Variants in XRCC5 observed in about 807,000 individuals in gnomAD.
XRCC5 encodes DNA repair protein Ku80.
Under a neutral mutation model 95.7 loss-of-function variants are expected in XRCC5, and 12 were observed. The observed-to-expected ratio is 0.13, with a 90% CI of 0.08 to 0.20. XRCC5 has a LOEUF of 0.20. Among genes scored for constraint, XRCC5 ranks in the 10% least tolerant of loss-of-function variants. The pLI is 1.00. For synonymous variants in XRCC5, 281 were observed against 290.3 expected (o/e 0.97, Z 0.33); for missense variants, 595 against 873.9 (o/e 0.68, Z 4.02).
intron 8 of XRCC5, among the ~76,000 whole-genome samples, chr2:216,130,105 T>C (rs895609044): frequency 6.6e-6 from 1 of 152,160 alleles, no homozygotes; most frequent in African/African-American, 2.4e-5. Flanking sequence ...ATGCATGTGC[T>C]TTTCCTTTGC....
chr2:216,117,177 C>T (rs769495062), intron 3 of XRCC5: 38 of 222,030 alleles, frequency 1.7e-4, no homozygotes, highest in Middle Eastern at 1.5e-3. Flanking sequence ...TGTTTGGAGG[C>T]GGATAGAAAA....
intron 15 of XRCC5, 49 bp downstream of exon 15, chr2:216,160,210 G>T: frequency 7.6e-7 from 1 of 1,315,104 alleles, no homozygotes; most frequent in South Asian, 1.3e-5. Flanking sequence ...GAAGGTTGGG[G>T]CTTGAGGGAG....
intron 14 of XRCC5, among the ~76,000 whole-genome samples, chr2:216,153,953 A>T (rs1159899921): frequency 6.6e-6 from 1 of 151,796 alleles, no homozygotes; most frequent in East Asian, 1.9e-4. Context: ...CTCCTTTCCA[A>T]CCCCTCTTCA....
intron 13 of XRCC5, among the ~76,000 whole-genome samples, chr2:216,146,831 C>T (rs779576129): frequency 1.3e-5 from 2 of 152,182 alleles, no homozygotes; most frequent in Non-Finnish European, 2.9e-5. Context: ...TGCTTCTTGA[C>T]ACCGCTGTCA....
intron 8 of XRCC5, 23 bp downstream of exon 8, chr2:216,127,697 T>C (rs1164228859): frequency 6.4e-7 from 1 of 1,573,538 alleles, no homozygotes; most frequent in Non-Finnish European, 8.6e-7. Flanking sequence ...GAGTTTTCAC[T>C]GTTGCCTAAA....
At chr2:216,144,632 A>G (rs1331484748) in intron 13 of XRCC5, among the ~76,000 whole-genome samples, 1 of 152,242 alleles carries the variant, frequency 6.6e-6, no homozygotes, top group Non-Finnish European at 1.5e-5. Flanking sequence ...GAGCAGGTGG[A>G]AAAGATAATT....
At chr2:216,193,669 G>A (rs1347014123) in intron 18 of XRCC5, among the ~76,000 whole-genome samples, 3 of 152,218 alleles carry the variant, frequency 2.0e-5, no homozygotes, top group Admixed American at 2.0e-4. Flanking sequence ...CGTAAATGAA[G>A]GAGATTGGTT....
At chr2:216,156,768 T>C (rs563339840) in intron 14 of XRCC5, 14 of 530,346 alleles carry the variant, frequency 2.6e-5, no homozygotes, top group Admixed American at 2.3e-4. Flanking sequence ...TGGAACAAAG[T>C]CTATGTCCAT....
At chr2:216,141,085 A>T in intron 12 of XRCC5, 101 bp from the exon 13 acceptor site, 1 of 1,437,194 alleles carries the variant, frequency 7.0e-7, no homozygotes, top group Non-Finnish European at 9.6e-7. Flanking sequence ...CCAGGACTGT[A>T]TAACCTGCCA....
Position 216,194,922 on chromosome 2 carries a change from G to T in XRCC5, c.2045G>T (p.Gly682Val). ...TACTCTCTGAATTACTTTTTAGATG[G>T]AATTACTCTGATCACCAAAGAGGAA... ...NHFWEIVVQD[G>V]ITLITKEEAS... The change falls in exon 19 of 21, where the codon GGA (glycine) becomes GTA (valine). Residue 682 changes from glycine to valine, a missense_variant. Transcript: ENST00000392132. 1 of 1,614,094 alleles carries T rather than the reference G, an allele frequency of 6.2e-7. No individual in the cohort carries two copies. The highest frequency in any genetic ancestry group is 1.1e-5 in the South Asian group (1 of 91,078).
At chr2:216,175,907 C>T (rs1689264478) in intron 16 of XRCC5, 1 of 400,988 alleles carries the variant, frequency 2.5e-6, no homozygotes, top group South Asian at 2.1e-5. Flanking sequence ...GCTCAGACCA[C>T]CAATAAACAA....
chr2:216,146,061 A>G (rs1044643208), intron 13 of XRCC5, among the ~76,000 whole-genome samples: 1 of 152,222 alleles, frequency 6.6e-6, no homozygotes, highest in Non-Finnish European at 1.5e-5. Flanking sequence ...GATTTGCTTA[A>G]ACAGTTTGGG....
At chr2:216,166,404 G>A (rs983369747) in intron 16 of XRCC5, among the ~76,000 whole-genome samples, 3 of 152,176 alleles carry the variant, frequency 2.0e-5, no homozygotes, top group African/African-American at 7.2e-5. Flanking sequence ...TTACAGGTGT[G>A]AGCCACCAAG....
intron 16 of XRCC5, among the ~76,000 whole-genome samples, chr2:216,170,089 T>TCGTG (rs1398497541): frequency 7.1e-6 from 1 of 141,258 alleles, no homozygotes; most frequent in East Asian, 2.4e-4. Context: ...TGACCCCTTG[T>TCGTG]CGTGTCATGA....
At chr2:216,127,463 GTATTAGGTT>G in intron 7 of XRCC5, 64 bp from the exon 8 acceptor site, 1 of 1,508,450 alleles carries the variant, frequency 6.6e-7, no homozygotes. Context: ...GCCAGAGAGT[GTATTAGGTT>G]TTCATCTTCT....
chr2:216,156,061 A>AG (rs1234763713), intron 14 of XRCC5, among the ~76,000 whole-genome samples: 1 of 152,234 alleles, frequency 6.6e-6, no homozygotes, highest in African/African-American at 2.4e-5. Context: ...CCAATGACAA[A>AG]GTGCTCAGTC....
chr2:216,120,987 C>T (rs775679097), intron 5 of XRCC5, among the ~76,000 whole-genome samples: 45 of 152,290 alleles, frequency 3.0e-4, no homozygotes, highest in Non-Finnish European at 5.3e-4. Context: ...CCACCTGCCT[C>T]GCCCTCCCAA....
intron 16 of XRCC5, among the ~76,000 whole-genome samples, chr2:216,172,464 C>CTTTTTTTTTTTTTTTT (rs1689183461): frequency 1.4e-5 from 1 of 70,350 alleles, no homozygotes; most frequent in African/African-American, 6.5e-5. Context: ...ATCAGCTTTT[C>CTTTTTTTTTTTTTTTT]TTTTCTTTTT....
chr2:216,195,699 A>G (rs969222682), intron 19 of XRCC5, among the ~76,000 whole-genome samples: 3 of 152,182 alleles, frequency 2.0e-5, no homozygotes, highest in Non-Finnish European at 4.4e-5. Flanking sequence ...TGATTCAGCC[A>G]TGAGTCAGAT....
Sources: gnomAD v4.1 joint callset for allele counts (sites outside exome capture counted in the v4.1 genomes callset) on GRCh38, gnomAD v4.1.1 for gene constraint, MANE v1.5 for transcripts, NCBI Gene and HGNC (gene_info 2026-07-23, HGNC 2026-07-21) for gene names.